The following ZNF184 variants were observed in gnomAD, a reference collection of about 807,000 sequenced individuals.
ZNF184 encodes zinc finger protein 184 (Kruppel-like).
A neutral mutation model predicts 54.4 loss-of-function variants in ZNF184; 16 were observed. The ratio of observed to expected loss-of-function variants is 0.29; its 90% CI spans 0.20 to 0.45. ZNF184 has a LOEUF of 0.45. Among genes scored for constraint, ZNF184 ranks in the 20% least tolerant of loss-of-function variants. ZNF184 has a pLI of 1.00. For missense variants in ZNF184, 681 were observed against 888.2 expected (o/e 0.77, Z 2.97); for synonymous variants, 254 against 295.3 (o/e 0.86, Z 1.43).
the ZNF184 span, among the ~76,000 whole-genome samples, chr6:27,418,210 G>A: frequency 1.3e-5 from 2 of 152,150 alleles, no homozygotes; most frequent in African/African-American, 2.4e-5. Flanking sequence ...CAGGGAAAAG[G>A]TAGTCATGAG....
chr6:27,414,102 A>C, the ZNF184 span, among the ~76,000 whole-genome samples: 1 of 152,254 alleles, frequency 6.6e-6, no homozygotes, highest in Non-Finnish European at 1.5e-5. Context: ...TGTGGAAACC[A>C]AAATTAAAAA....
At chr6:27,427,994 T>C in the ZNF184 span, among the ~76,000 whole-genome samples, 7 of 152,226 alleles carry the variant, frequency 4.6e-5, no homozygotes, top group Non-Finnish European at 8.8e-5. Context: ...ATTTAGTTGG[T>C]CATCAAGTCC....
At chr6:27,465,940 G>T (rs1763124915) in intron 3 of ZNF184, among the ~76,000 whole-genome samples, 1 of 152,208 alleles carries the variant, frequency 6.6e-6, no homozygotes, top group South Asian at 2.1e-4. Context: ...AGATGTCCAT[G>T]TCCCAACCCT....
At chr6:27,423,892 G>T in the ZNF184 span, among the ~76,000 whole-genome samples, 1 of 152,128 alleles carries the variant, frequency 6.6e-6, no homozygotes, top group Non-Finnish European at 1.5e-5. Context: ...TTTCTTTGCA[G>T]GCTTTCTGTT....
intron 2 of ZNF184, among the ~76,000 whole-genome samples, chr6:27,470,813 T>C (rs1444431738): frequency 6.6e-6 from 1 of 152,146 alleles, no homozygotes; most frequent in African/African-American, 2.4e-5. Context: ...AAGTTAATCC[T>C]AATGATAAAA....
chr6:27,408,072 T>A, the ZNF184 span: 20,462 of 811,294 alleles, frequency 0.025, 720 homozygotes, highest in African/African-American at 0.13. Flanking sequence ...ATAATGCAAA[T>A]TAACTCATTT....
At chr6:27,426,285 G>A in the ZNF184 span, among the ~76,000 whole-genome samples, 2 of 152,104 alleles carry the variant, frequency 1.3e-5, no homozygotes, top group Non-Finnish European at 2.9e-5. The surrounding 1 kb of genome is among the most constrained non-coding windows in gnomAD (Gnocchi z 4.2). Context: ...GCAAACATTC[G>A]CTTTTTATTT....
At chr6:27,407,271 T>A in the ZNF184 span, among the ~76,000 whole-genome samples, 1 of 97,216 alleles carries the variant, frequency 1.0e-5, no homozygotes, top group Admixed American at 1.1e-4. Flanking sequence ...ATCAGCTTAC[T>A]CACATAGCTC....
chr6:27,437,855 G>T, the ZNF184 span, among the ~76,000 whole-genome samples: 1 of 152,328 alleles, frequency 6.6e-6, no homozygotes, highest in South Asian at 2.1e-4. Flanking sequence ...TGAACAAGGA[G>T]ATCAAAAGAG....
the ZNF184 span, among the ~76,000 whole-genome samples, chr6:27,422,961 T>C: frequency 6.6e-6 from 1 of 152,206 alleles, no homozygotes; most frequent in Admixed American, 6.5e-5. Flanking sequence ...TCCCCTTTAA[T>C]AGCAGGCAAG....
chr6:27,408,939 A>G, the ZNF184 span, among the ~76,000 whole-genome samples: 1 of 152,346 alleles, frequency 6.6e-6, no homozygotes, highest in Non-Finnish European at 1.5e-5. Flanking sequence ...TAGAAGTTCT[A>G]TTCAGGAGGA....
rs553303822 is a variant in ZNF184, at chr6:27,455,592, A to C, written c.298+1234T>G. Among the ~76,000 whole-genome samples, 53 of 152,202 alleles carry C rather than the reference A, an allele frequency of 3.5e-4. No homozygotes were observed. In the South Asian group the frequency reaches 3.9e-3, roughly 11 times the overall value. ...AAGTATGTTCCATGAAACCATTCTA[A>C]GAGAAAGATTTTACAGATGTGATAT... is the stretch of plus-strand genomic sequence containing the variant. On this transcript the variant is annotated intron_variant, in intron 5 of 5. Coordinates refer to ENST00000683788, the MANE Select transcript of ZNF184 (RefSeq NM_001318891.2).
the ZNF184 span, among the ~76,000 whole-genome samples, chr6:27,435,104 C>CTATT: frequency 1.2e-4 from 18 of 151,908 alleles, no homozygotes; most frequent in African/African-American, 2.9e-4. Flanking sequence ...ACAACTTTGT[C>CTATT]TATTTATTTA....
chr6:27,432,039 A>T, the ZNF184 span, among the ~76,000 whole-genome samples: 3 of 144,942 alleles, frequency 2.1e-5, no homozygotes, highest in African/African-American at 7.3e-5. This position sits in a 1 kb window ranked among gnomAD's most constrained non-coding sequence, Gnocchi z 4.0. Flanking sequence ...TGGTTAGGGG[A>T]TGGGACTGGG....
chr6:27,449,329 C>T (rs993409519), downstream of ZNF184, among the ~76,000 whole-genome samples: 2 of 152,248 alleles, frequency 1.3e-5, no homozygotes, highest in African/African-American at 4.8e-5. Context: ...TTACTGATAA[C>T]TTCCGAGGTC....
intron 3 of ZNF184, among the ~76,000 whole-genome samples, chr6:27,465,256 G>A (rs1455677564): frequency 1.3e-5 from 2 of 150,716 alleles, no homozygotes; most frequent in African/African-American, 2.4e-5. Context: ...AGGGCGAGGC[G>A]GGCGGATCAC....
chr6:27,451,713 A>G lies in ZNF184; in HGVS notation c.1846T>C (p.Cys616Arg). The G allele has an allele frequency of 6.2e-7, 1 of 1,613,902 alleles. No homozygotes were observed. The highest frequency in any genetic ancestry group is 8.5e-7 in the Non-Finnish European group (1 of 1,179,926). ...CGAAAGGCTTTACCACACTCAGCAC[A>G]CTCATAAGGCTTGGCTCCTGTATGA... is the stretch of plus-strand genomic sequence containing the variant. ...RIHTGAKPYE[C>R]AECGKAFRHC... Residue 616 changes from cysteine (C) to arginine (R), a missense_variant, in exon 6 of 6, where the codon TGT (cysteine) becomes CGT (arginine). Cys to Arg is a radical substitution (Grantham distance 180). Coordinates refer to ENST00000683788, the MANE Select transcript of ZNF184 (RefSeq NM_001318891.2).
At chr6:27,448,260 C>G (rs1321467796), downstream of ZNF184, among the ~76,000 whole-genome samples, 1 of 152,132 alleles carries the variant, frequency 6.6e-6, no homozygotes, top group African/African-American at 2.4e-5. Flanking sequence ...ATAGCTAACC[C>G]ATAGGCAAAC....
the ZNF184 span, among the ~76,000 whole-genome samples, chr6:27,424,834 C>T: frequency 2.0e-5 from 3 of 152,230 alleles, no homozygotes; most frequent in Admixed American, 2.0e-4. Context: ...CCACACTCCT[C>T]AGCCCTTGGG....
Sources: gnomAD v4.1 joint callset for allele counts (sites outside exome capture counted in the v4.1 genomes callset) on GRCh38, gnomAD v4.1.1 for gene constraint, Gnocchi (gnomAD v3.1) non-coding constraint, MANE v1.5 for transcripts, NCBI Gene and HGNC (gene_info 2026-07-23, HGNC 2026-07-21) for gene names.